SYCP2: variants seen among roughly 807,000 people sequenced by gnomAD.
The protein encoded by SYCP2 is synaptonemal complex lateral element protein.
Under a neutral mutation model 211.3 loss-of-function variants are expected in SYCP2, and 55 were observed. That is an observed-to-expected ratio of 0.26 (90% CI 0.21 to 0.33). The LOEUF (loss-of-function observed/expected upper bound fraction) is 0.33, where lower values mean the gene tolerates loss of function less well. Among genes scored for constraint, SYCP2 ranks in the 10% least tolerant of loss-of-function variants. The probability of loss-of-function intolerance (pLI) is 1.00; values close to 1 mark genes in which losing one functional copy is unlikely to be tolerated. For synonymous variants in SYCP2, 570 were observed against 555.2 expected, an observed-to-expected ratio of 1.03 and a Z score of -0.37; for missense variants, 1,731 against 1,752.0, an observed-to-expected ratio of 0.99 and a Z score of 0.21.
intron 24 of SYCP2, among the ~76,000 whole-genome samples, chr20:59,888,250 C>T (rs946982893): frequency 6.6e-6 from 1 of 151,998 alleles, no homozygotes; most frequent in Non-Finnish European, 1.5e-5. Context: ...AAATCCGCAA[C>T]ATCAGCAATA....
At chr20:59,903,551 G>A (rs115536956) in intron 15 of SYCP2, among the ~76,000 whole-genome samples, 2 of 152,084 alleles carry the variant, frequency 1.3e-5, no homozygotes, top group South Asian at 4.1e-4. Flanking sequence ...AAGACTTGGA[G>A]AATGTGTGTG....
chr20:59,908,259 GAACAA>G (rs146383378), intron 14 of SYCP2, among the ~76,000 whole-genome samples: 4,030 of 151,876 alleles, frequency 0.027, 187 homozygotes, highest in African/African-American at 0.092. Context: ...AAACAAAACA[GAACAA>G]AACACAAAAC....
chr20:59,893,820 T>G (rs558645361), intron 20 of SYCP2, among the ~76,000 whole-genome samples: 1 of 152,176 alleles, frequency 6.6e-6, no homozygotes, highest in Non-Finnish European at 1.5e-5. Flanking sequence ...GCATAAATTT[T>G]CTGATCACAT....
chr20:59,900,002 G>T, intron 18 of SYCP2, 136 bp downstream of exon 18: 1 of 944,062 alleles, frequency 1.1e-6, no homozygotes, highest in Non-Finnish European at 1.6e-6. Context: ...TTTGTCAAAG[G>T]TAGGAGAAAC....
In SYCP2 at chr20:59,877,463, GTTT is replaced by G. The variant is rs753462162; in HGVS notation, c.3069_3071del (p.Lys1023del). ...ATTCTGAATTTGAGAGATCTTTATA[GTTT>G]TTTTTTGTTTTGGTTGCTTTTCGTG... On this transcript the variant is annotated inframe_deletion, in exon 33 of 45. Transcript: ENST00000357552. 6.3e-7 allele frequency: 1 copy of G among 1,592,988 alleles called. No individual in the cohort carries two copies. Among genetic ancestry groups the G allele is most frequent in the Non-Finnish European group, 8.6e-7 (1 of 1,169,340 alleles).
At chr20:59,926,195 T>C (rs1696977721) in intron 2 of SYCP2, among the ~76,000 whole-genome samples, 2 of 151,988 alleles carry the variant, frequency 1.3e-5, no homozygotes, top group African/African-American at 4.8e-5. Context: ...AGAAGAAAAA[T>C]GTTTGCTCAC....
Position 59,900,776 on chromosome 20 carries a change from G to A in SYCP2, c.1225C>T (p.Leu409=). Residue 409 remains leucine (L), a synonymous_variant, in exon 17 of 45, where the codon CTG becomes TTG. Transcript: ENST00000357552. ...KQGISVAKTS[L]HILFDASGSQ... is the part of the protein sequence containing the mutation. ...CCACTTGCGTCAAAAAGTATATGCA[G>A]CGACGTTTTGGCAACTGAAATACCT... 6.2e-7 allele frequency: 1 copy of A among 1,612,894 alleles called. No homozygotes were observed. Among genetic ancestry groups the A allele is most frequent in the Non-Finnish European group, 8.5e-7 (1 of 1,179,238 alleles).
At chr20:59,874,142 T>TA (rs1217683672) in intron 34 of SYCP2, 81 bp from the exon 35 acceptor site, 1 of 693,064 alleles carries the variant, frequency 1.4e-6, no homozygotes, top group African/African-American at 1.8e-5. Flanking sequence ...ACGATTAATT[T>TA]AAATTCTAAG....
chr20:59,895,342 T>G, intron 20 of SYCP2, 95 bp downstream of exon 20: 70 of 1,030,202 alleles, frequency 6.8e-5, no homozygotes, highest in Non-Finnish European at 8.6e-5. Flanking sequence ...TTAAACAAAA[T>G]GAGACACTTG....
chr20:59,868,524 T>C lies in SYCP2; in HGVS notation c.3877A>G (p.Asn1293Asp). ...LSRKRIYIED[N>D]LSNSNEVEME... ...TCTACTTCATTGGAATTACTTAGAT[T>C]ATCTTCTATATATATTCTTTTGCGA... is the stretch of plus-strand genomic sequence containing the variant. The change falls in exon 38 of 45, where the codon AAT (asparagine) becomes GAT (aspartate). Residue 1293 changes from asparagine (N) to aspartate (D), a missense_variant. This residue lies in a region of SYCP2 where 1,387 missense variants were observed against 1,351.3 expected (regional missense o/e 1.03). Transcript: ENST00000357552. 6.2e-7 allele frequency: 1 copy of C among 1,610,524 alleles called. No individual in the cohort carries two copies. The highest frequency in any genetic ancestry group is 2.2e-5 in the East Asian group (1 of 44,744).
chr20:59,904,638 A>G (rs2060180836), intron 15 of SYCP2, among the ~76,000 whole-genome samples: 2 of 152,194 alleles, frequency 1.3e-5, no homozygotes, highest in South Asian at 2.1e-4. Context: ...AGGCAACAAC[A>G]TATGACTGAT....
intron 1 of SYCP2, 142 bp downstream of exon 1, chr20:59,933,427 C>T (rs947986657): frequency 6.6e-6 from 1 of 152,238 alleles, no homozygotes; most frequent in Admixed American, 6.5e-5. Context: ...CGCACCCCCT[C>T]CCCCTCGGCA....
At chr20:59,907,030 A>G (rs111618633) in intron 15 of SYCP2, among the ~76,000 whole-genome samples, 87 of 152,316 alleles carry the variant, frequency 5.7e-4, no homozygotes, top group African/African-American at 1.9e-3. Context: ...GTCCACTAGC[A>G]TTATGCAGTT....
chr20:59,879,862 T>G (rs6027165), intron 31 of SYCP2, among the ~76,000 whole-genome samples: 1 of 116,086 alleles, frequency 8.6e-6, no homozygotes. Context: ...TATATATATA[T>G]ACACACACAC....
chr20:59,865,160 T>C (rs2059304443), intron 44 of SYCP2, among the ~76,000 whole-genome samples: 1 of 152,030 alleles, frequency 6.6e-6, no homozygotes, highest in African/African-American at 2.4e-5. Flanking sequence ...AATTTTTCAA[T>C]TTGCAAATTT....
rs754207740 is a variant in SYCP2 at position 59,865,569 on chromosome 20, A to T, written c.4458+4T>A. The T allele has an allele frequency of 6.3e-7, 1 of 1,597,720 alleles. No homozygotes were observed. On this transcript the variant is annotated splice_donor_region_variant and intron_variant, in intron 43 of 44. Transcript: ENST00000357552. ...GTAACCTATAAAAAGCATAAAATTT[A>T]TACCTCGGATGTAAAAACAGTTTCT...
At chr20:59,914,078 C>G in intron 11 of SYCP2, 31 bp downstream of exon 11, 1 of 1,574,652 alleles carries the variant, frequency 6.4e-7, no homozygotes. Context: ...TTTAAAAATT[C>G]ACGAATTTCT....
At chr20:59,865,060 C>T (rs2059302045) in intron 44 of SYCP2, among the ~76,000 whole-genome samples, 1 of 151,934 alleles carries the variant, frequency 6.6e-6, no homozygotes, top group Non-Finnish European at 1.5e-5. Flanking sequence ...TTTTGTCCTG[C>T]CATATTTTCT....
intron 4 of SYCP2, among the ~76,000 whole-genome samples, 162 bp from the exon 5 acceptor site, chr20:59,920,649 T>C (rs1281028521): frequency 6.6e-6 from 1 of 151,618 alleles, no homozygotes; most frequent in Admixed American, 6.6e-5. Context: ...GGTTTAAGAA[T>C]GTGACCTGCC....
Sources: allele counts gnomAD v4.1 joint callset (sites outside exome capture counted in the v4.1 genomes callset), GRCh38; gene constraint gnomAD v4.1.1; regional missense constraint gnomAD v4.1.1; transcripts MANE v1.5; gene names NCBI Gene and HGNC (gene_info 2026-07-23, HGNC 2026-07-21).